The following MPPED1 variants were observed in gnomAD, a reference collection of about 807,000 sequenced individuals.
The protein encoded by MPPED1 is metallophosphoesterase domain-containing protein 1.
In MPPED1, 16 loss-of-function variants were observed where a neutral mutation model predicts 36.2. That is an observed-to-expected ratio of 0.44 (90% confidence interval 0.30 to 0.67). MPPED1 has a LOEUF of 0.67. Among genes scored for constraint, MPPED1 ranks in the 30% least tolerant of loss-of-function variants. MPPED1 has a pLI of 0.10. For missense variants in MPPED1, 307 were observed against 453.4 expected (o/e 0.68, Z 2.93); for synonymous variants, 199 against 191.3 (o/e 1.04, Z -0.33).
chr22:43,428,388 T>C (rs1372241869), intron 2 of MPPED1, among the ~76,000 whole-genome samples: 1 of 152,140 alleles, frequency 6.6e-6, no homozygotes, highest in African/African-American at 2.4e-5. Context: ...CACAGCTGGG[T>C]AAAGCCAGGG....
At chr22:43,500,239 A>C (rs1247093012) in intron 5 of MPPED1, among the ~76,000 whole-genome samples, 1 of 73,116 alleles carries the variant, frequency 1.4e-5, no homozygotes, top group Admixed American at 1.7e-4. Context: ...GTGGTGATGG[A>C]GGTGGCAGTG....
At position 43,501,596 on chromosome 22, in the gene MPPED1, C is replaced by G. The variant is rs562301516; in HGVS notation, c.749-1048C>G. Among the ~76,000 whole-genome samples the G allele has an allele frequency of 2.6e-5, 4 of 152,334 alleles. No homozygotes were observed. The South Asian group carries it at 8.3e-4, about 32-fold the overall frequency. On this transcript the variant is annotated intron_variant, in intron 5 of 6. Transcript: ENST00000443721. ...GTGCCGAGGTGCTGGAGACCCTCCC[C>G]ACAACACACACTCCAGAAGTGAAGA...
At chr22:43,449,172 G>T (rs1046501113) in intron 3 of MPPED1, among the ~76,000 whole-genome samples, 1 of 152,142 alleles carries the variant, frequency 6.6e-6, no homozygotes, top group East Asian at 1.9e-4. Context: ...TCGTATCCAA[G>T]TCACACGGGG....
intron 3 of MPPED1, among the ~76,000 whole-genome samples, chr22:43,436,299 G>A (rs1253532560): frequency 6.6e-6 from 1 of 152,120 alleles, no homozygotes; most frequent in Admixed American, 6.5e-5. Flanking sequence ...ACCTTCCTGC[G>A]CAGCCCCACG....
chr22:43,500,385 A>ATGGAGGTGGTGGTGGAGG (rs1932685949), intron 5 of MPPED1, among the ~76,000 whole-genome samples: 2 of 70,800 alleles, frequency 2.8e-5, no homozygotes, highest in Non-Finnish European at 5.7e-5. Context: ...GGTGGTGGTG[A>ATGGAGGTGGTGGTGGAGG]TGGTGATGGA....
At chr22:43,425,780 A>G (rs1929446930) in intron 2 of MPPED1, among the ~76,000 whole-genome samples, 1 of 152,224 alleles carries the variant, frequency 6.6e-6, no homozygotes, top group African/African-American at 2.4e-5. Context: ...CTCTTGTGAA[A>G]GCAGAGATGC....
intron 4 of MPPED1, among the ~76,000 whole-genome samples, chr22:43,489,028 T>G (rs865934536): frequency 3.3e-5 from 5 of 152,146 alleles, no homozygotes; most frequent in Middle Eastern, 6.8e-3. Context: ...CAGTGAGGGG[T>G]GGGCTTGATC....
At chr22:43,467,271 T>C (rs916910138) in intron 3 of MPPED1, among the ~76,000 whole-genome samples, 1 of 152,182 alleles carries the variant, frequency 6.6e-6, no homozygotes, top group Non-Finnish European at 1.5e-5. Context: ...TCTGGAAGCA[T>C]TGAATGCATG....
intron 4 of MPPED1, among the ~76,000 whole-genome samples, chr22:43,484,824 C>T (rs944142557): frequency 6.6e-6 from 1 of 152,090 alleles, no homozygotes; most frequent in Non-Finnish European, 1.5e-5. Context: ...CTGGTACGTG[C>T]CATGGATGAG....
chr22:43,472,756 GGGACCTGGCCATTTGCCGT>G (rs149608581), intron 3 of MPPED1, among the ~76,000 whole-genome samples: 2,190 of 152,316 alleles, frequency 0.014, 70 homozygotes, highest in African/African-American at 0.049. Flanking sequence ...TGGCCAGGCT[GGGACCTGGCCATTTGCCGT>G]GGCCATAGGG....
Position 43,474,985 on chromosome 22 carries a change from C to G in MPPED1, c.632+24C>G. The G allele has an allele frequency of 6.2e-7, 1 of 1,606,142 alleles. No individual in the cohort carries two copies. The highest frequency in any genetic ancestry group is 8.5e-7 in the Non-Finnish European group (1 of 1,173,288). ...TGGTGAGTGGGCCTGGGTGCTGGTCCTGCCTGCTGGTGAGACCAGAGCTGA... is the reference window on the plus strand; with the variant it reads ...TGGTGAGTGGGCCTGGGTGCTGGTCGTGCCTGCTGGTGAGACCAGAGCTGA... On this transcript the variant is annotated intron_variant, in intron 4 of 6. Transcript: ENST00000443721. This position sits in a 1 kb window ranked among gnomAD's most constrained non-coding sequence, Gnocchi z 5.2.
intron 4 of MPPED1, among the ~76,000 whole-genome samples, chr22:43,495,875 G>A (rs1219872398): frequency 1.7e-5 from 2 of 120,410 alleles, no homozygotes; most frequent in Admixed American, 8.1e-5. Context: ...GGAGATGGTG[G>A]TGGTGGAGGT....
chr22:43,460,226 AAAAC>A (rs1313663735), intron 3 of MPPED1, among the ~76,000 whole-genome samples: 1 of 118,556 alleles, frequency 8.4e-6, no homozygotes, highest in African/African-American at 3.0e-5. Flanking sequence ...AACAAAAACA[AAAAC>A]AAAAACAAAA....
At chr22:43,445,207 C>A (rs984852016) in intron 3 of MPPED1, among the ~76,000 whole-genome samples, 1 of 152,114 alleles carries the variant, frequency 6.6e-6, no homozygotes, top group African/African-American at 2.4e-5. Flanking sequence ...TGTGGAAGGA[C>A]CTTGGTAAAG....
At chr22:43,425,436 C>T (rs923986354) in intron 2 of MPPED1, among the ~76,000 whole-genome samples, 1 of 152,248 alleles carries the variant, frequency 6.6e-6, no homozygotes, top group Admixed American at 6.5e-5. Context: ...TCCTGTTTCA[C>T]TTGGCCAGGA....
chr22:43,502,835 C>G lies in MPPED1; in HGVS notation c.862+78C>G. 8.1e-7 allele frequency: 1 copy of G among 1,230,530 alleles called. No homozygotes were observed. Among genetic ancestry groups the G allele is most frequent in the East Asian group, 2.3e-5 (1 of 43,142 alleles). 76.2% of individuals were successfully genotyped at this position (1,230,530 alleles called of 1,614,324 possible). A position where few individuals can be genotyped will look rare whatever the true frequency, so the allele number is the denominator to read the frequency against. The stretch of plus-strand genomic sequence containing the variant: ...CCTCCAGCAGGACCTCCCCTTCGTT[C>G]AGCCAGAAGGGAAATAAATAGCCCA... On this transcript the variant is annotated intron_variant, in intron 6 of 6. Coordinates refer to ENST00000443721, the MANE Select transcript of MPPED1 (RefSeq NM_001044370.2). This position sits in a 1 kb window ranked among gnomAD's most constrained non-coding sequence, Gnocchi z 5.5.
chr22:43,465,037 G>T (rs1931115578), intron 3 of MPPED1, among the ~76,000 whole-genome samples: 1 of 152,232 alleles, frequency 6.6e-6, no homozygotes, highest in Admixed American at 6.5e-5. Flanking sequence ...TGCCTGGAGG[G>T]TCTCAGAGAA....
At chr22:43,485,021 ACACT>A (rs2146897371) in intron 4 of MPPED1, among the ~76,000 whole-genome samples, 1 of 152,306 alleles carries the variant, frequency 6.6e-6, no homozygotes, top group South Asian at 2.1e-4. Context: ...GCACAGACAC[ACACT>A]CACACACACA....
At chr22:43,435,287 C>A in intron 3 of MPPED1, 72 bp downstream of exon 3, 1 of 1,488,296 alleles carries the variant, frequency 6.7e-7, no homozygotes, top group South Asian at 1.2e-5. Flanking sequence ...CCCGAGGCTG[C>A]CTGCCTGCCT....
Sources: allele counts gnomAD v4.1 joint callset (sites outside exome capture counted in the v4.1 genomes callset), GRCh38; gene constraint gnomAD v4.1.1; non-coding constraint Gnocchi (gnomAD v3.1); transcripts MANE v1.5; gene names NCBI Gene and HGNC (gene_info 2026-07-23, HGNC 2026-07-21).